Variants in ADGRG4 observed in about 807,000 individuals in gnomAD.
ADGRG4 encodes adhesion G protein-coupled receptor G4.
A neutral mutation model predicts 126.2 loss-of-function variants in ADGRG4; 122 were observed. The ratio of observed to expected loss-of-function variants is 0.97; its 90% CI spans 0.83 to 1.12. The LOEUF is 1.12. ADGRG4 is among the 50% of genes most tolerant of loss of function. The pLI is 0.00. For missense variants in ADGRG4, 2,481 were observed against 2,251.8 expected (o/e 1.10, Z -2.06); for synonymous variants, 943 against 838.7 (o/e 1.12, Z -2.15).
intron 15 of ADGRG4, among the ~76,000 whole-genome samples, chrX:136,378,744 C>T (rs1186762399): frequency 2.7e-5 from 3 of 111,440 alleles, no homozygotes; most frequent in Non-Finnish European, 3.8e-5. Context: ...CTGTATCTCT[C>T]GAAGTAATCT....
chrX:136,301,545 T>C (rs766414453), intron 1 of ADGRG4, among the ~76,000 whole-genome samples: 100 of 112,183 alleles, frequency 8.9e-4, no homozygotes, highest in African/African-American at 2.9e-3. Context: ...GTTGCCTGTT[T>C]ACTCTGATGG....
At chrX:136,379,795 C>T (rs2075248765) in intron 15 of ADGRG4, among the ~76,000 whole-genome samples, 1 of 110,710 alleles carries the variant, frequency 9.0e-6, no homozygotes, top group Admixed American at 9.6e-5. Flanking sequence ...CCTTTCCTAG[C>T]CCTTGACAAC....
chrX:136,407,862 T>A (rs1296961962), intron 23 of ADGRG4, among the ~76,000 whole-genome samples: 1 of 111,882 alleles, frequency 8.9e-6, no homozygotes, highest in Non-Finnish European at 1.9e-5. Flanking sequence ...TTTCTCTGGA[T>A]AGAACTGTCT....
At chrX:136,394,592 C>A (rs1413393027) in intron 18 of ADGRG4, among the ~76,000 whole-genome samples, 1 of 111,964 alleles carries the variant, frequency 8.9e-6, no homozygotes, top group Non-Finnish European at 1.9e-5. Flanking sequence ...GAGCTTTGTC[C>A]CCTACAACCT....
intron 15 of ADGRG4, among the ~76,000 whole-genome samples, chrX:136,379,020 G>T (rs1485733247): frequency 9.0e-6 from 1 of 111,613 alleles, no homozygotes; most frequent in South Asian, 3.7e-4. Flanking sequence ...GTTGGGAAAC[G>T]GTCCCTCTTC....
intron 12 of ADGRG4, 135 bp from the exon 13 acceptor site, chrX:136,363,342 C>T (rs1385915819): frequency 2.4e-5 from 12 of 507,077 alleles, no homozygotes; most frequent in Non-Finnish European, 4.2e-5. Flanking sequence ...AAGTACTGGG[C>T]TCCCACCTTT....
rs201485905 is a variant in ADGRG4 at position 136,347,577 on chromosome X, A to G, written c.3871A>G (p.Thr1291Ala). Residue 1291 changes from threonine (T) to alanine (A), a missense_variant, in exon 6 of 26, where the codon ACT (threonine) becomes GCT (alanine). Thr to Ala is a moderately conservative substitution (Grantham distance 58). Transcript: ENST00000394143. The stretch of plus-strand genomic sequence containing the variant: ...TTCTTTTATTTCATACTCCCGGGGT[A>G]CTCCATCTTTGGAAATGACAGATAC... ...KNSFISYSRG[T>A]PSLEMTDTGF... The G allele has an allele frequency of 8.3e-7, 1 of 1,206,505 alleles. No individual in the cohort carries two copies. Among genetic ancestry groups the G allele is most frequent in the African/African-American group, 1.7e-5 (1 of 57,605 alleles).
At chrX:136,383,881 C>CCT (rs767666400) in intron 15 of ADGRG4, among the ~76,000 whole-genome samples, 38 of 52,441 alleles carry the variant, frequency 7.2e-4, no homozygotes, top group Admixed American at 9.0e-4. Flanking sequence ...TTTCTTCTTT[C>CCT]TTCCTTTCCT....
At chrX:136,398,790 C>A (rs898638495) in intron 20 of ADGRG4, among the ~76,000 whole-genome samples, 1 of 111,674 alleles carries the variant, frequency 9.0e-6, no homozygotes, top group African/African-American at 3.3e-5. Context: ...ATACTCAAGA[C>A]AAATGAGCAC....
In ADGRG4 at chrX:136,323,120, A is replaced by G. The variant is rs764453819; in HGVS notation, c.413A>G (p.Asn138Ser). ...AAGGGCAAATTAGAACTCTTCCTGA[A>G]TAAAGAAAGGATACTGGAAGTAACG... ...GVKGKLELFL[N>S]KERILEVTDQ... Residue 138 changes from asparagine to serine, a missense_variant, in exon 5 of 26, where the codon AAT becomes AGT. By Grantham distance (46) the Asn-to-Ser change is conservative. Coordinates refer to ENST00000394143, the MANE Select transcript of ADGRG4 (RefSeq NM_153834.4). The G allele has an allele frequency of 7.4e-6, 9 of 1,211,765 alleles. No homozygotes were observed. The highest frequency in any genetic ancestry group is 1.0e-5 in the Non-Finnish European group (9 of 895,463).
Position 136,345,926 on chromosome X carries a change from C to T in ADGRG4, c.2220C>T (p.Ser740=). The change falls in exon 6 of 26, where the codon TCC becomes TCT. Residue 740 remains serine, a synonymous_variant. Transcript: ENST00000394143. ...KLTSPWFANF[S]IVSGTTSITN... ...CATCACCATGGTTTGCTAATTTCTC[C>T]ATAGTTTCTGGAACCACATCCATAA... 1 of 1,210,243 alleles carries T rather than the reference C, an allele frequency of 8.3e-7. No homozygotes were observed. Among genetic ancestry groups the T allele is most frequent in the Non-Finnish European group, 1.1e-6 (1 of 894,262 alleles).
At chrX:136,340,981 C>T (rs754314317) in intron 5 of ADGRG4, among the ~76,000 whole-genome samples, 2 of 111,916 alleles carry the variant, frequency 1.8e-5, no homozygotes, top group Middle Eastern at 9.2e-3. Context: ...ATATACAAAC[C>T]CAGGCTTTAG....
At chrX:136,338,053 T>G (rs761492101) in intron 5 of ADGRG4, among the ~76,000 whole-genome samples, 1 of 111,192 alleles carries the variant, frequency 9.0e-6, no homozygotes, top group East Asian at 2.8e-4. Context: ...TTTATCATTA[T>G]GTTTACCTGT....
At chrX:136,306,140 G>A (rs1367800627) in intron 3 of ADGRG4, 2 of 111,511 alleles carry the variant, frequency 1.8e-5, no homozygotes, top group African/African-American at 6.5e-5. Context: ...AGGGTGGGAA[G>A]TTAAAAGAGT....
chrX:136,353,651 T>C (rs2075076152), intron 8 of ADGRG4, among the ~76,000 whole-genome samples: 1 of 111,881 alleles, frequency 8.9e-6, no homozygotes, highest in Middle Eastern at 4.2e-3. Flanking sequence ...TTAGACTGAG[T>C]TACCTCTAAT....
At chrX:136,377,167 C>CTT (rs1184343263) in intron 15 of ADGRG4, among the ~76,000 whole-genome samples, 2,388 of 48,428 alleles carry the variant, frequency 0.049, 118 homozygotes, top group African/African-American at 0.12. Context: ...GTTTTCTTTC[C>CTT]TTTTTTTTTT....
In ADGRG4 at chrX:136,345,263, C is replaced by T. The variant is rs749661899; in HGVS notation, c.1557C>T (p.Ala519=). 9 of 1,211,173 alleles carry T rather than the reference C, an allele frequency of 7.4e-6. No individual in the cohort carries two copies. Among genetic ancestry groups the T allele is most frequent in the Non-Finnish European group, 8.9e-6 (8 of 895,042 alleles). ...LPTRLIETTP[A]PRTAETELTS... ...CTAGGCTTATTGAGACCACACCTGCCCCAAGGACAGCTGAAACAGAATTGA... is the reference window on the plus strand; with the variant it reads ...CTAGGCTTATTGAGACCACACCTGCTCCAAGGACAGCTGAAACAGAATTGA... Residue 519 remains alanine, a synonymous_variant, in exon 6 of 26, where the codon GCC becomes GCT. Coordinates refer to ENST00000394143, the MANE Select transcript of ADGRG4 (RefSeq NM_153834.4).
At chrX:136,344,307 TGA>T in intron 5 of ADGRG4, 83 bp from the exon 6 acceptor site, 1 of 585,535 alleles carries the variant, frequency 1.7e-6, no homozygotes, top group Non-Finnish European at 2.6e-6. Flanking sequence ...TCTTACAAAA[TGA>T]AAAGAAATTA....
At chrX:136,393,116 T>G (rs554409970) in intron 17 of ADGRG4, among the ~76,000 whole-genome samples, 2 of 111,720 alleles carry the variant, frequency 1.8e-5, no homozygotes, top group Middle Eastern at 9.2e-3. Flanking sequence ...GTCTTAGGAA[T>G]GTTCTGTAGG....
Sources: gnomAD v4.1 joint callset for allele counts (sites outside exome capture counted in the v4.1 genomes callset) on GRCh38, gnomAD v4.1.1 for gene constraint, MANE v1.5 for transcripts, NCBI Gene and HGNC (gene_info 2026-07-23, HGNC 2026-07-21) for gene names.